MACROD1: variants seen among roughly 807,000 people sequenced by gnomAD.
MACROD1 encodes ADP-ribose glycohydrolase MACROD1.
MACROD1 carries 31 observed loss-of-function variants against 41.4 expected under a neutral mutation model. That is an observed-to-expected ratio of 0.75 (90% CI 0.56 to 1.01). MACROD1 has a LOEUF of 1.01. Ranked by LOEUF, MACROD1 falls within the 50% of genes least tolerant of loss-of-function variation. The probability of loss-of-function intolerance (pLI) is 0.00; values close to 1 mark genes in which losing one functional copy is unlikely to be tolerated. For missense variants in MACROD1, 473 were observed against 460.0 expected, an observed-to-expected ratio of 1.03 and a Z score of -0.26; for synonymous variants, 252 against 203.4, an observed-to-expected ratio of 1.24 and a Z score of -2.03.
At chr11:64,007,921 G>C (rs1041723797) in intron 4 of MACROD1, among the ~76,000 whole-genome samples, 1 of 152,222 alleles carries the variant, frequency 6.6e-6, no homozygotes, top group African/African-American at 2.4e-5. Flanking sequence ...CACAGGCCAC[G>C]GAGGTCACGT....
At chr11:64,092,734 A>G (rs1462713655) in intron 3 of MACROD1, among the ~76,000 whole-genome samples, 1 of 152,242 alleles carries the variant, frequency 6.6e-6, no homozygotes, top group Non-Finnish European at 1.5e-5. Flanking sequence ...AGGCCCCTGC[A>G]TGGCACACAG....
chr11:64,050,738 C>T (rs1943677835), intron 3 of MACROD1, among the ~76,000 whole-genome samples: 1 of 152,246 alleles, frequency 6.6e-6, no homozygotes, highest in African/African-American at 2.4e-5. Context: ...CCTGCCTCAG[C>T]CTCCTGAGTA....
intron 3 of MACROD1, among the ~76,000 whole-genome samples, chr11:64,131,012 C>T (rs1945257898): frequency 6.6e-6 from 1 of 152,258 alleles, no homozygotes; most frequent in African/African-American, 2.4e-5. Context: ...ACAGTGGCCA[C>T]ATTTCAACCT....
At chr11:64,117,036 C>A in intron 3 of MACROD1, 3 of 1,609,880 alleles carry the variant, frequency 1.9e-6, no homozygotes, top group Non-Finnish European at 2.5e-6. Flanking sequence ...CTCGCTGGTG[C>A]GCAATTCGCT....
rs1942785517 is a variant in MACROD1, at chr11:63,999,726, C to T, written c.702G>A (p.Glu234=). ...GCTCGGCAGCCTGACTGGCGCTGGG[C>T]TCCCCGTAGGCGATGGGCCCCACTG... is the stretch of plus-strand genomic sequence containing the variant. ...IHTVGPIAYG[E]PSASQAAELR... Residue 234 remains glutamate (E), a synonymous_variant, in exon 6 of 11, where the codon GAG becomes GAA. Coordinates refer to ENST00000255681, the MANE Select transcript of MACROD1 (RefSeq NM_014067.4). 6.2e-7 allele frequency: 1 copy of T among 1,608,112 alleles called. No homozygotes were observed. Among genetic ancestry groups the T allele is most frequent in the Non-Finnish European group, 8.5e-7 (1 of 1,179,482 alleles).
intron 3 of MACROD1, among the ~76,000 whole-genome samples, chr11:64,041,354 C>G (rs1287766176): frequency 1.3e-5 from 2 of 152,096 alleles, no homozygotes; most frequent in African/African-American, 2.4e-5. Flanking sequence ...CCTCCACCCC[C>G]CGTGACGCCT....
chr11:64,024,105 TA>T (rs1943194835), intron 3 of MACROD1, among the ~76,000 whole-genome samples: 1 of 152,064 alleles, frequency 6.6e-6, no homozygotes, highest in South Asian at 2.1e-4. Flanking sequence ...TTTTCCTAAG[TA>T]AAAAATTCAT....
At chr11:64,138,314 G>T (rs570524596) in intron 3 of MACROD1, among the ~76,000 whole-genome samples, 1 of 152,334 alleles carries the variant, frequency 6.6e-6, no homozygotes, top group South Asian at 2.1e-4. Flanking sequence ...GTCTCCTCCC[G>T]CGCAAACATA....
intron 4 of MACROD1, among the ~76,000 whole-genome samples, chr11:64,010,090 T>TTGGGGGGTTGGC (rs1565192898): frequency 7.0e-5 from 5 of 71,292 alleles, no homozygotes; most frequent in Non-Finnish European, 1.4e-4. Flanking sequence ...AGGGTGTTGG[T>TTGGGGGGTTGGC]TGGGGTGTTG....
rs1481123150 is a variant in MACROD1 at position 64,111,536 on chromosome 11, C to T, written c.517+39703G>A. On this transcript the variant is annotated intron_variant, in intron 3 of 10. Coordinates refer to ENST00000255681, the MANE Select transcript of MACROD1 (RefSeq NM_014067.4). ...AAGGGACAGACGTGCAGTGGGAAAT[C>T]TGGGCTGGCTGTGACCTTGGCTGGG... 2.0e-5 allele frequency among the ~76,000 whole-genome samples: 3 copies of T among 152,238 alleles called. No homozygotes were observed. The South Asian group carries it at 6.2e-4, about 31-fold the overall frequency.
At chr11:64,020,172 A>G (rs1419913384) in intron 3 of MACROD1, among the ~76,000 whole-genome samples, 3 of 152,034 alleles carry the variant, frequency 2.0e-5, no homozygotes, top group African/African-American at 7.3e-5. Flanking sequence ...ATAATTTAAG[A>G]TATGTTTTAT....
chr11:64,062,561 C>G (rs1208636537), intron 3 of MACROD1, among the ~76,000 whole-genome samples: 1 of 152,230 alleles, frequency 6.6e-6, no homozygotes, highest in Non-Finnish European at 1.5e-5. Flanking sequence ...TGTACAAGCT[C>G]GGTCTCTGTT....
chr11:64,097,205 C>A (rs1005588159), intron 3 of MACROD1, among the ~76,000 whole-genome samples: 1 of 152,186 alleles, frequency 6.6e-6, no homozygotes, highest in Non-Finnish European at 1.5e-5. Flanking sequence ...GGCCTCCAGA[C>A]CCCCCAGAAA....
chr11:63,999,173 C>G (rs553992319), intron 8 of MACROD1, 137 bp from the exon 9 acceptor site: 3 of 1,310,326 alleles, frequency 2.3e-6, no homozygotes, highest in African/African-American at 2.9e-5. Context: ...TGCCATCACC[C>G]CCATCTCGCC....
intron 4 of MACROD1, among the ~76,000 whole-genome samples, chr11:64,005,258 G>A (rs1223731064): frequency 2.6e-5 from 4 of 152,162 alleles, no homozygotes; most frequent in Non-Finnish European, 5.9e-5. Flanking sequence ...TTGAACTCCT[G>A]ACCTTGTGAT....
intron 3 of MACROD1, chr11:64,103,126 C>G (rs1175400839): frequency 1.3e-5 from 2 of 152,226 alleles, no homozygotes; most frequent in Non-Finnish European, 2.9e-5. Flanking sequence ...CCCAGTGGCC[C>G]TGGTGGATGT....
At chr11:64,056,200 T>G (rs1226997008) in intron 3 of MACROD1, among the ~76,000 whole-genome samples, 1 of 152,110 alleles carries the variant, frequency 6.6e-6, no homozygotes. Flanking sequence ...CCTGGGTGTC[T>G]TTGCCCATTT....
chr11:64,069,192 G>C (rs2134456978), intron 3 of MACROD1, among the ~76,000 whole-genome samples: 1 of 152,326 alleles, frequency 6.6e-6, no homozygotes, highest in East Asian at 1.9e-4. Flanking sequence ...AGAGCAGGAG[G>C]GCCACTGCGC....
chr11:64,053,005 G>A (rs535685838), intron 3 of MACROD1, among the ~76,000 whole-genome samples: 11 of 152,320 alleles, frequency 7.2e-5, no homozygotes, highest in East Asian at 1.9e-4. Context: ...AATTACATTC[G>A]GTTGCTTACA....
Sources: allele counts gnomAD v4.1 joint callset (sites outside exome capture counted in the v4.1 genomes callset), GRCh38; gene constraint gnomAD v4.1.1; transcripts MANE v1.5; gene names NCBI Gene and HGNC (gene_info 2026-07-23, HGNC 2026-07-21).